The following TMEM132B variants were observed in gnomAD, a reference collection of about 807,000 sequenced individuals.
TMEM132B encodes the protein transmembrane protein 132B.
TMEM132B carries 18 observed loss-of-function variants against 90.8 expected under a neutral mutation model. The ratio of observed to expected loss-of-function variants is 0.20; its 90% confidence interval spans 0.14 to 0.29. The LOEUF (loss-of-function observed/expected upper bound fraction) is 0.29, where lower values mean the gene tolerates loss of function less well. Ranked by LOEUF, TMEM132B falls within the 10% of genes least tolerant of loss-of-function variation. TMEM132B has a pLI of 1.00. For missense variants in TMEM132B, 1,096 were observed against 1,326.8 expected, an observed-to-expected ratio of 0.83 and a Z score of 2.70; for synonymous variants, 504 against 523.3, an observed-to-expected ratio of 0.96 and a Z score of 0.50.
At chr12:125,545,582 G>T (rs1480049604) in intron 4 of TMEM132B, among the ~76,000 whole-genome samples, 1 of 152,186 alleles carries the variant, frequency 6.6e-6, no homozygotes, top group Non-Finnish European at 1.5e-5. Flanking sequence ...CCAGCATATT[G>T]CATCTCCCTG....
At chr12:125,393,554 TG>T (rs1161350149) in intron 2 of TMEM132B, among the ~76,000 whole-genome samples, 1 of 151,682 alleles carries the variant, frequency 6.6e-6, no homozygotes, top group Non-Finnish European at 1.5e-5. Flanking sequence ...GTAAAAGGGC[TG>T]GGGGGTGGTG....
chr12:125,577,614 C>T (rs1884969294), intron 4 of TMEM132B, among the ~76,000 whole-genome samples: 1 of 150,308 alleles, frequency 6.7e-6, no homozygotes. Context: ...ATTTTTTCTA[C>T]TCTATTATTA....
intron 4 of TMEM132B, among the ~76,000 whole-genome samples, chr12:125,555,586 G>A (rs1884357099): frequency 1.6e-5 from 2 of 122,924 alleles, no homozygotes; most frequent in East Asian, 2.8e-4. Context: ...TGGGGGGAGG[G>A]ATAGCATTAG....
intron 1 of TMEM132B, among the ~76,000 whole-genome samples, chr12:125,347,548 G>C (rs1232138539): frequency 6.6e-6 from 1 of 152,216 alleles, no homozygotes; most frequent in African/African-American, 2.4e-5. Context: ...GCTATATTTT[G>C]CAGAATTTTT....
At chr12:125,431,353 A>G (rs1174915227) in intron 3 of TMEM132B, among the ~76,000 whole-genome samples, 1 of 152,084 alleles carries the variant, frequency 6.6e-6, no homozygotes, top group African/African-American at 2.4e-5. Context: ...GCTGCATGTA[A>G]GCAAATGATG....
rs1215854454 is a variant in TMEM132B, at chr12:125,408,331, C to T, written c.960-7200C>T. Among the ~76,000 whole-genome samples, 2 of 152,142 alleles carry T rather than the reference C, an allele frequency of 1.3e-5. No homozygotes were observed. The highest frequency in any genetic ancestry group is 4.8e-5 in the African/African-American group (2 of 41,408). On this transcript the variant is annotated intron_variant, in intron 2 of 8. Transcript: ENST00000682704. This position sits in a 1 kb window ranked among gnomAD's most constrained non-coding sequence, Gnocchi z 5.9. Reference sequence around the variant, plus strand: ...ATTCGCATGTTGAAATTCTTATCCCCAAGGCAGAGTTATTAGGAGGTGGGG... The same window carrying T: ...ATTCGCATGTTGAAATTCTTATCCCTAAGGCAGAGTTATTAGGAGGTGGGG...
At chr12:125,517,346 T>G (rs1296987497) in intron 3 of TMEM132B, among the ~76,000 whole-genome samples, 4,872 of 82,450 alleles carry the variant, frequency 0.059, 633 homozygotes, top group South Asian at 0.18. Flanking sequence ...TTTTTTTTTT[T>G]TTTTTTTTTT....
chr12:125,247,895 T>C (rs1336491005), intron 1 of TMEM132B, among the ~76,000 whole-genome samples: 1 of 152,178 alleles, frequency 6.6e-6, no homozygotes, highest in Non-Finnish European at 1.5e-5. Context: ...GCCAATTAAC[T>C]CACTTTTCAC....
chr12:125,424,599 A>G (rs531463553), intron 3 of TMEM132B, among the ~76,000 whole-genome samples: 2 of 152,314 alleles, frequency 1.3e-5, no homozygotes, highest in South Asian at 4.1e-4. Context: ...TTTAAGGCAA[A>G]GACTCTAATC....
intron 1 of TMEM132B, among the ~76,000 whole-genome samples, chr12:125,336,341 G>A (rs1876959724): frequency 1.3e-5 from 2 of 152,164 alleles, no homozygotes; most frequent in Middle Eastern, 3.4e-3. Flanking sequence ...CTTTACTGCC[G>A]AGTAGTGTTC....
chr12:125,297,950 G>A (rs971732845), intron 1 of TMEM132B, among the ~76,000 whole-genome samples: 2 of 152,000 alleles, frequency 1.3e-5, no homozygotes, highest in African/African-American at 2.4e-5. Context: ...AAGCATGCTC[G>A]CCTCCTAAGA....
intron 1 of TMEM132B, among the ~76,000 whole-genome samples, chr12:125,328,844 C>T (rs546549677): frequency 1.3e-5 from 2 of 152,288 alleles, no homozygotes; most frequent in South Asian, 4.1e-4. Flanking sequence ...TCATGACTCT[C>T]GCTTTTCTTT....
chr12:125,638,848 T>C (rs999191685), intron 5 of TMEM132B, among the ~76,000 whole-genome samples: 1 of 152,234 alleles, frequency 6.6e-6, no homozygotes, highest in Admixed American at 6.5e-5. Context: ...CCTTTTAGCC[T>C]CTTTTATTAT....
intron 4 of TMEM132B, among the ~76,000 whole-genome samples, chr12:125,564,108 A>G (rs1399883308): frequency 1.3e-5 from 2 of 152,256 alleles, no homozygotes; most frequent in Admixed American, 1.3e-4. Context: ...TAGATTTGAT[A>G]TAATACAGCT....
intron 1 of TMEM132B, among the ~76,000 whole-genome samples, chr12:125,215,102 C>T (rs4765228): frequency 0.24 from 36,542 of 152,096 alleles, 4,842 homozygotes; most frequent in Middle Eastern, 0.41. Context: ...CCTGCCACTC[C>T]CCTGATGCTC....
chr12:125,618,799 T>C (rs556240699), intron 5 of TMEM132B, among the ~76,000 whole-genome samples: 2 of 152,312 alleles, frequency 1.3e-5, no homozygotes, highest in African/African-American at 4.8e-5. Context: ...TTAATAATGT[T>C]ATAGGTGATA....
At position 125,349,682 on chromosome 12, in the gene TMEM132B, A is replaced by G. The variant is rs368927288; in HGVS notation, c.298A>G (p.Lys100Glu). The change falls in exon 2 of 9, where the codon AAG becomes GAG. Residue 100 changes from lysine (K) to glutamate (E), a missense_variant. Physicochemically the swap from Lys to Glu is moderately conservative, Grantham distance 56 (BLOSUM62 1). Transcript: ENST00000682704. The surrounding 1 kb of genome is among the most constrained non-coding windows in gnomAD (Gnocchi z 4.1). ...NASYGPFSVE[K>E]IIPQELLLTS... ...CAGCTATGGCCCATTTTCAGTGGAG[A>G]AGATAATCCCCCAGGAGCTCCTGTT... The G allele has an allele frequency of 1.2e-5, 20 of 1,614,110 alleles. No individual in the cohort carries two copies. Among genetic ancestry groups the G allele is most frequent in the Non-Finnish European group, 1.7e-5 (20 of 1,180,010 alleles).
At chr12:125,620,022 G>A (rs918254397) in intron 5 of TMEM132B, among the ~76,000 whole-genome samples, 1 of 152,116 alleles carries the variant, frequency 6.6e-6, no homozygotes, top group Admixed American at 6.5e-5. Flanking sequence ...TGGGACTTCT[G>A]TTTAGTCATC....
At chr12:125,529,499 C>G (rs1265338978) in intron 4 of TMEM132B, among the ~76,000 whole-genome samples, 1 of 152,214 alleles carries the variant, frequency 6.6e-6, no homozygotes, top group East Asian at 1.9e-4. Flanking sequence ...AGCTCTCCTT[C>G]CTGTCAAGAG....
Sources: allele counts gnomAD v4.1 joint callset (sites outside exome capture counted in the v4.1 genomes callset), GRCh38; gene constraint gnomAD v4.1.1; non-coding constraint Gnocchi (gnomAD v3.1); transcripts MANE v1.5; gene names NCBI Gene and HGNC (gene_info 2026-07-23, HGNC 2026-07-21).